Variants in HS3ST3A1 observed in about 807,000 individuals in gnomAD.
HS3ST3A1 encodes the protein heparan sulfate-glucosamine 3-sulfotransferase 3A1, also known as heparan sulfate glucosamine 3-O-sulfotransferase 3A1.
In HS3ST3A1, 19 loss-of-function variants were observed where a neutral mutation model predicts 25.7. The ratio of observed to expected loss-of-function variants is 0.74; its 90% CI spans 0.52 to 1.08. The LOEUF is 1.08. HS3ST3A1 is among the 50% of genes least tolerant of loss of function. HS3ST3A1 has a pLI of 0.00. For missense variants in HS3ST3A1, 459 were observed against 594.3 expected (o/e 0.77, Z 2.37); for synonymous variants, 226 against 278.6 (o/e 0.81, Z 1.88).
At chr17:13,522,048 T>A (rs1013146284) in intron 1 of HS3ST3A1, among the ~76,000 whole-genome samples, 1 of 152,170 alleles carries the variant, frequency 6.6e-6, no homozygotes, top group Admixed American at 6.5e-5. Context: ...TGTCCTCTGA[T>A]GAAAACCACT....
At chr17:13,538,509 T>C (rs1906834852) in intron 1 of HS3ST3A1, among the ~76,000 whole-genome samples, 1 of 152,208 alleles carries the variant, frequency 6.6e-6, no homozygotes, top group Non-Finnish European at 1.5e-5. Context: ...TATTGAATTC[T>C]TTAGAAAGTA....
At chr17:13,503,731 G>A (rs1414484163) in intron 1 of HS3ST3A1, among the ~76,000 whole-genome samples, 1 of 152,158 alleles carries the variant, frequency 6.6e-6, no homozygotes, top group African/African-American at 2.4e-5. Context: ...TCTGAGTTTG[G>A]GTGAGAATGT....
chr17:13,530,874 T>C (rs1403485668), intron 1 of HS3ST3A1, among the ~76,000 whole-genome samples: 1 of 152,186 alleles, frequency 6.6e-6, no homozygotes, highest in Non-Finnish European at 1.5e-5. Flanking sequence ...CAGTATTGAC[T>C]CAAGCCCTTC....
intron 1 of HS3ST3A1, among the ~76,000 whole-genome samples, chr17:13,517,615 T>C (rs1487068987): frequency 6.6e-6 from 1 of 152,136 alleles, no homozygotes; most frequent in Non-Finnish European, 1.5e-5. Context: ...ATATAGAGAA[T>C]GGGAACTAAT....
chr17:13,520,782 T>C (rs925060631), intron 1 of HS3ST3A1, among the ~76,000 whole-genome samples: 1 of 152,096 alleles, frequency 6.6e-6, no homozygotes, highest in Non-Finnish European at 1.5e-5. Flanking sequence ...TGGCTAATTT[T>C]TGTATTTTTA....
chr17:13,548,849 G>A (rs931277528), intron 1 of HS3ST3A1, among the ~76,000 whole-genome samples: 1 of 151,990 alleles, frequency 6.6e-6, no homozygotes, highest in Non-Finnish European at 1.5e-5. Context: ...CTACCTAAAG[G>A]TTTGTAAATG....
chr17:13,509,203 G>C (rs376328195), intron 1 of HS3ST3A1, among the ~76,000 whole-genome samples: 102 of 152,164 alleles, frequency 6.7e-4, no homozygotes, highest in African/African-American at 2.3e-3. Context: ...GTGGAGAAGA[G>C]CTTAAAGGGA....
At position 13,494,792 on chromosome 17, in the gene HS3ST3A1, T is replaced by G. The variant is rs1049895204; in HGVS notation, c.*1405A>C. On this transcript the variant is annotated 3_prime_UTR_variant, in exon 2 of 2. Coordinates refer to ENST00000284110, the MANE Select transcript of HS3ST3A1 (RefSeq NM_006042.3). ...GAATACTGTTAATAAACTATTGATT[T>G]ATTTGAGTGATTTAAATGGGGGATG... Among the ~76,000 whole-genome samples, 1 of 152,206 alleles carries G rather than the reference T, an allele frequency of 6.6e-6. No homozygotes were observed. The highest frequency in any genetic ancestry group is 1.9e-4 in the East Asian group (1 of 5,194).
At chr17:13,565,509 G>A (rs1483194666) in intron 1 of HS3ST3A1, among the ~76,000 whole-genome samples, 1 of 151,982 alleles carries the variant, frequency 6.6e-6, no homozygotes, top group Non-Finnish European at 1.5e-5. Flanking sequence ...TCCAGCCTGG[G>A]CTACAGAGTG....
chr17:13,581,466 C>CA (rs71144975), intron 1 of HS3ST3A1, among the ~76,000 whole-genome samples: 3,881 of 121,914 alleles, frequency 0.032, 95 homozygotes, highest in East Asian at 0.068. Flanking sequence ...GACTCTATCT[C>CA]AAAAAAAAAA....
chr17:13,551,184 T>C (rs541594678), intron 1 of HS3ST3A1, among the ~76,000 whole-genome samples: 75 of 150,922 alleles, frequency 5.0e-4, no homozygotes, highest in Non-Finnish European at 8.8e-4. Context: ...CCGTCTCTAT[T>C]AAAAATGCAA....
intron 1 of HS3ST3A1, among the ~76,000 whole-genome samples, chr17:13,539,337 A>G (rs1243830712): frequency 6.6e-6 from 1 of 152,186 alleles, no homozygotes; most frequent in African/African-American, 2.4e-5. Context: ...GGGTAAATGG[A>G]ATGCACAAAT....
At position 13,601,288 on chromosome 17, in the gene HS3ST3A1, G is replaced by A. The variant is rs1036554867; in HGVS notation, c.-159C>T. On this transcript the variant is annotated 5_prime_UTR_variant, in exon 1 of 2. Coordinates refer to ENST00000284110, the MANE Select transcript of HS3ST3A1 (RefSeq NM_006042.3). ...ACTGTCCCGGGAGGCAGCGGCCGGG[G>A]CTCCGCGGGGAAACGGAATCCCGGG... 3.7e-6 allele frequency: 2 copies of A among 545,250 alleles called. No homozygotes were observed. The highest frequency in any genetic ancestry group is 6.1e-6 in the Non-Finnish European group (2 of 327,794). The allele number at this position is 545,250 out of a possible 1,614,324, so 33.8% of individuals were successfully genotyped here.
At chr17:13,510,636 G>T (rs1455807906) in intron 1 of HS3ST3A1, among the ~76,000 whole-genome samples, 37 of 152,080 alleles carry the variant, frequency 2.4e-4, no homozygotes, top group Admixed American at 2.4e-3. Context: ...AGGAGTCTGG[G>T]GTCTTGAACT....
At chr17:13,499,495 T>C (rs1905390428) in intron 1 of HS3ST3A1, among the ~76,000 whole-genome samples, 1 of 152,180 alleles carries the variant, frequency 6.6e-6, no homozygotes, top group Non-Finnish European at 1.5e-5. Flanking sequence ...TTTTTCTATA[T>C]ATCTTTGACT....
chr17:13,538,463 C>T (rs918807041), intron 1 of HS3ST3A1, among the ~76,000 whole-genome samples: 17 of 152,198 alleles, frequency 1.1e-4, no homozygotes, highest in South Asian at 2.1e-4. Context: ...TAATTTTTCA[C>T]TTCTGATGCT....
chr17:13,500,519 T>TGAA (rs934204782), intron 1 of HS3ST3A1, among the ~76,000 whole-genome samples: 1 of 152,194 alleles, frequency 6.6e-6, no homozygotes, highest in Non-Finnish European at 1.5e-5. Context: ...GAGGTTTGCC[T>TGAA]GAAGACACAA....
intron 1 of HS3ST3A1, among the ~76,000 whole-genome samples, chr17:13,597,287 A>G (rs726800): frequency 0.13 from 19,572 of 151,936 alleles, 2,641 homozygotes; most frequent in African/African-American, 0.34. Context: ...GAAAAAAGAG[A>G]CATACCTTTT....
rs561120341 is a variant in HS3ST3A1 at position 13,585,137 on chromosome 17, G to C, written c.599+15394C>G. Among the ~76,000 whole-genome samples, 19 of 140,322 alleles carry C rather than the reference G, an allele frequency of 1.4e-4. No individual in the cohort carries two copies. In the South Asian group the frequency reaches 3.7e-3, roughly 27 times the overall value. 92.1% of individuals were successfully genotyped at this position (140,322 alleles called of 152,430 possible). On this transcript the variant is annotated intron_variant, in intron 1 of 1. Transcript: ENST00000284110. The stretch of plus-strand genomic sequence containing the variant: ...CAAAACTTTGAAAGAACTATACCAT[G>C]AACAACCATTTAGCCGCCAATTACA...
Sources: allele counts gnomAD v4.1 joint callset (sites outside exome capture counted in the v4.1 genomes callset), GRCh38; gene constraint gnomAD v4.1.1; transcripts MANE v1.5; gene names NCBI Gene and HGNC (gene_info 2026-07-23, HGNC 2026-07-21).